NKAIN2: variants seen among roughly 807,000 people sequenced by gnomAD.
NKAIN2 encodes sodium/potassium-transporting ATPase subunit beta-1-interacting protein 2.
In NKAIN2, 14 loss-of-function variants were observed where a neutral mutation model predicts 32.6. That is an observed-to-expected ratio of 0.43 (90% CI 0.28 to 0.67). The LOEUF is 0.67. Among genes scored for constraint, NKAIN2 ranks in the 30% least tolerant of loss-of-function variants. The pLI, the probability that NKAIN2 is intolerant of heterozygous loss-of-function variation, is 0.17. For missense variants in NKAIN2, 198 were observed against 258.3 expected (o/e 0.77, Z 1.60); for synonymous variants, 80 against 87.2 (o/e 0.92, Z 0.46).
At chr6:124,336,987 A>G (rs1797904824) in intron 2 of NKAIN2, among the ~76,000 whole-genome samples, 1 of 152,046 alleles carries the variant, frequency 6.6e-6, no homozygotes, top group Admixed American at 6.6e-5. Flanking sequence ...TCATTTTTTA[A>G]TGAATCTTAC....
intron 1 of NKAIN2, among the ~76,000 whole-genome samples, chr6:124,273,258 G>A (rs1489343239): frequency 6.6e-6 from 1 of 152,036 alleles, no homozygotes; most frequent in Admixed American, 6.6e-5. Flanking sequence ...TGGTGGGGTC[G>A]ATTGGATCCT....
intron 2 of NKAIN2, among the ~76,000 whole-genome samples, chr6:124,315,268 C>T (rs1796900751): frequency 6.6e-6 from 1 of 152,010 alleles, no homozygotes; most frequent in South Asian, 2.1e-4. Context: ...CCCTCCCAGA[C>T]ACATGGCCAC....
intron 1 of NKAIN2, among the ~76,000 whole-genome samples, chr6:123,888,040 A>T (rs917350711): frequency 6.6e-6 from 1 of 152,150 alleles, no homozygotes; most frequent in Non-Finnish European, 1.5e-5. Flanking sequence ...AAAGTGTATA[A>T]AATAGTGCTT....
At chr6:123,957,161 G>T (rs772675239) in intron 1 of NKAIN2, among the ~76,000 whole-genome samples, 2 of 151,982 alleles carry the variant, frequency 1.3e-5, no homozygotes, top group African/African-American at 4.8e-5. Context: ...TTTTTTATGC[G>T]TATAAATTGG....
chr6:124,491,704 T>C (rs1326075057), intron 3 of NKAIN2, among the ~76,000 whole-genome samples: 1 of 151,866 alleles, frequency 6.6e-6, no homozygotes, highest in Non-Finnish European at 1.5e-5. Context: ...TCAATAAATC[T>C]AAAATTTGCA....
At chr6:123,916,829 T>TATC (rs1562256370) in intron 1 of NKAIN2, among the ~76,000 whole-genome samples, 7 of 150,798 alleles carry the variant, frequency 4.6e-5, no homozygotes, top group South Asian at 2.1e-4. Flanking sequence ...ATCTATCTAT[T>TATC]TATCTATCTA....
At chr6:124,288,326 T>C (rs1795655093) in intron 2 of NKAIN2, among the ~76,000 whole-genome samples, 1 of 152,176 alleles carries the variant, frequency 6.6e-6, no homozygotes, top group African/African-American at 2.4e-5. Context: ...GAGACCCAAA[T>C]CTGTCTGATA....
intron 1 of NKAIN2, among the ~76,000 whole-genome samples, chr6:123,874,885 CTACATACATACA>C (rs35937099): frequency 6.6e-6 from 1 of 150,830 alleles, no homozygotes. Context: ...CTCGCTATTC[CTACATACATACA>C]TACATACATA....
intron 1 of NKAIN2, among the ~76,000 whole-genome samples, chr6:124,216,334 A>G (rs989798920): frequency 6.6e-6 from 1 of 152,164 alleles, no homozygotes; most frequent in African/African-American, 2.4e-5. Flanking sequence ...ATTGTTTGCT[A>G]ATTGTGTATT....
At chr6:124,222,211 G>A (rs947048388) in intron 1 of NKAIN2, among the ~76,000 whole-genome samples, 1 of 152,138 alleles carries the variant, frequency 6.6e-6, no homozygotes, top group Admixed American at 6.5e-5. Flanking sequence ...TTCTTACCAA[G>A]AAACATCAGT....
At chr6:124,746,200 G>A (rs1777444756) in intron 4 of NKAIN2, among the ~76,000 whole-genome samples, 1 of 151,854 alleles carries the variant, frequency 6.6e-6, no homozygotes, top group South Asian at 2.1e-4. Flanking sequence ...CATGGTAAGA[G>A]CTGAACTTCA....
chr6:123,857,936 C>T (rs1775620073), intron 1 of NKAIN2, among the ~76,000 whole-genome samples: 1 of 152,134 alleles, frequency 6.6e-6, no homozygotes, highest in Non-Finnish European at 1.5e-5. Context: ...ACCTCCTAAA[C>T]AAAGACATAT....
At chr6:124,495,127 G>T (rs1778015083) in intron 3 of NKAIN2, among the ~76,000 whole-genome samples, 1 of 152,084 alleles carries the variant, frequency 6.6e-6, no homozygotes, top group Admixed American at 6.6e-5. Flanking sequence ...AAGTACTTAT[G>T]CACTTTCAGT....
chr6:124,629,386 G>C (rs958543191), intron 3 of NKAIN2, among the ~76,000 whole-genome samples: 17 of 152,020 alleles, frequency 1.1e-4, no homozygotes, highest in African/African-American at 4.1e-4. Context: ...CCTTTAGAAG[G>C]CTCTGAAATT....
intron 3 of NKAIN2, among the ~76,000 whole-genome samples, chr6:124,650,942 C>G (rs764683201): frequency 5.9e-5 from 9 of 152,156 alleles, no homozygotes; most frequent in Non-Finnish European, 1.3e-4. Context: ...CTTCCTGAGG[C>G]AAATTCCCTC....
chr6:124,353,435 G>A (rs752669625), intron 2 of NKAIN2, among the ~76,000 whole-genome samples: 2 of 152,296 alleles, frequency 1.3e-5, no homozygotes, highest in African/African-American at 4.8e-5. Context: ...GAAAGTAAAA[G>A]TATTCAAGAA....
intron 1 of NKAIN2, among the ~76,000 whole-genome samples, chr6:123,888,155 A>G (rs1260507817): frequency 6.6e-6 from 1 of 152,098 alleles, no homozygotes; most frequent in Non-Finnish European, 1.5e-5. Context: ...AAGAGGACAC[A>G]TTATCTCTTA....
chr6:124,079,435 T>G (rs772790349), intron 1 of NKAIN2, among the ~76,000 whole-genome samples: 2 of 152,168 alleles, frequency 1.3e-5, no homozygotes, highest in East Asian at 1.9e-4. Context: ...AAAAATATAT[T>G]TTTTTAGATC....
At chr6:124,407,657 C>T (rs749883620) in intron 3 of NKAIN2, among the ~76,000 whole-genome samples, 197 of 151,904 alleles carry the variant, frequency 1.3e-3, no homozygotes, top group Middle Eastern at 3.4e-3. Flanking sequence ...AATAAACATA[C>T]GTGTGCATGT....
Sources: gnomAD v4.1 joint callset for allele counts (sites outside exome capture counted in the v4.1 genomes callset) on GRCh38, gnomAD v4.1.1 for gene constraint, MANE v1.5 for transcripts, NCBI Gene and HGNC (gene_info 2026-07-23, HGNC 2026-07-21) for gene names.